Variants in EYA2 observed in about 807,000 individuals in gnomAD.
The protein encoded by EYA2 is protein phosphatase EYA2.
Under a neutral mutation model 69.2 loss-of-function variants are expected in EYA2, and 31 were observed. The ratio of observed to expected loss-of-function variants is 0.45; its 90% CI spans 0.34 to 0.60. The LOEUF (loss-of-function observed/expected upper bound fraction) is 0.60. Among genes scored for constraint, EYA2 ranks in the 20% least tolerant of loss-of-function variants. The pLI is 0.02. For missense variants in EYA2, 622 were observed against 701.2 expected, an observed-to-expected ratio of 0.89 and a Z score of 1.28; for synonymous variants, 257 against 279.4, an observed-to-expected ratio of 0.92 and a Z score of 0.80.
At chr20:47,135,496 A>T (rs1182613395) in intron 9 of EYA2, among the ~76,000 whole-genome samples, 4 of 151,688 alleles carry the variant, frequency 2.6e-5, no homozygotes, top group Non-Finnish European at 5.9e-5. Context: ...TATTATTATT[A>T]TTCAGCCAGG....
intron 5 of EYA2, among the ~76,000 whole-genome samples, chr20:47,052,010 G>A (rs1334750962): frequency 1.3e-5 from 2 of 152,086 alleles, no homozygotes; most frequent in Non-Finnish European, 2.9e-5. Context: ...TGTGTGCCAG[G>A]TTCCAGCTGG....
chr20:47,120,944 T>C (rs193236791), intron 9 of EYA2, among the ~76,000 whole-genome samples: 1 of 152,226 alleles, frequency 6.6e-6, no homozygotes, highest in Admixed American at 6.5e-5. Context: ...CCCTCCTCAT[T>C]AGTTTCTTGA....
At chr20:47,058,458 C>T (rs552757108) in intron 5 of EYA2, among the ~76,000 whole-genome samples, 7 of 152,282 alleles carry the variant, frequency 4.6e-5, no homozygotes, top group East Asian at 3.9e-4. Context: ...GGGATGGGTG[C>T]GAGGGCGTTT....
intron 15 of EYA2, among the ~76,000 whole-genome samples, chr20:47,186,016 C>T (rs1428966573): frequency 6.6e-6 from 1 of 152,148 alleles, no homozygotes; most frequent in Non-Finnish European, 1.5e-5. Flanking sequence ...CCACGTTCCC[C>T]CACATCTTTG....
intron 9 of EYA2, among the ~76,000 whole-genome samples, chr20:47,130,278 T>TTTTTTTTTTTTTTTTA: frequency 7.3e-6 from 1 of 137,326 alleles, no homozygotes; most frequent in African/African-American, 2.9e-5. Context: ...TTTTTTTTTT[T>TTTTTTTTTTTTTTTTA]TTTTGAGACA....
chr20:47,183,236 CT>C, intron 14 of EYA2, 54 bp from the exon 15 acceptor site: 1 of 1,552,900 alleles, frequency 6.4e-7, no homozygotes, highest in Non-Finnish European at 8.9e-7. Flanking sequence ...CGGGTATTGG[CT>C]GCAATCCGGG....
intron 5 of EYA2, among the ~76,000 whole-genome samples, chr20:47,067,200 CAAAAG>C (rs1183393183): frequency 1.3e-5 from 2 of 152,074 alleles, no homozygotes; most frequent in African/African-American, 4.8e-5. Context: ...AAGGTTCATG[CAAAAG>C]AAAAGAGAAA....
chr20:46,956,383 G>A (rs1343225782), intron 1 of EYA2, among the ~76,000 whole-genome samples: 1 of 152,130 alleles, frequency 6.6e-6, no homozygotes, highest in Non-Finnish European at 1.5e-5. Context: ...ATATTCTCAG[G>A]GCTTAACACA....
intron 6 of EYA2, 125 bp downstream of exon 6, chr20:47,072,377 G>T: frequency 1.1e-6 from 1 of 894,888 alleles, no homozygotes. Context: ...TAGTCCCTGG[G>T]TTTGGAGACT....
chr20:47,065,053 AG>A (rs1203013314), intron 5 of EYA2, among the ~76,000 whole-genome samples: 3 of 152,222 alleles, frequency 2.0e-5, no homozygotes, highest in South Asian at 4.1e-4. Flanking sequence ...GAACATGTGC[AG>A]GGGAACTCCC....
intron 9 of EYA2, among the ~76,000 whole-genome samples, chr20:47,102,848 C>T (rs916239793): frequency 1.3e-5 from 2 of 152,182 alleles, no homozygotes; most frequent in Admixed American, 1.3e-4. Context: ...TAACCCCTCC[C>T]TTCCCCTACC....
At chr20:46,933,994 A>G (rs1184361160) in intron 1 of EYA2, among the ~76,000 whole-genome samples, 2 of 152,206 alleles carry the variant, frequency 1.3e-5, no homozygotes, top group African/African-American at 4.8e-5. Flanking sequence ...GAATTTGGAG[A>G]TAAGTGAGGC....
chr20:47,023,661 A>G (rs1983906010), intron 5 of EYA2, among the ~76,000 whole-genome samples: 1 of 131,276 alleles, frequency 7.6e-6, no homozygotes, highest in African/African-American at 3.2e-5. Context: ...TTTTGAAGAC[A>G]GAGCCTTGCT....
At chr20:47,008,592 C>G (rs1428660878) in intron 4 of EYA2, among the ~76,000 whole-genome samples, 2 of 152,206 alleles carry the variant, frequency 1.3e-5, no homozygotes, top group South Asian at 2.1e-4. Flanking sequence ...TAGCCCTGTT[C>G]CCAGACAAAA....
chr20:46,991,363 C>T (rs1981648624), intron 2 of EYA2, among the ~76,000 whole-genome samples: 1 of 152,178 alleles, frequency 6.6e-6, no homozygotes, highest in Admixed American at 6.5e-5. Flanking sequence ...AGTTTTCTCA[C>T]CTGTCAAATG....
chr20:46,997,120 T>C (rs1423381235), intron 2 of EYA2, among the ~76,000 whole-genome samples: 1 of 152,044 alleles, frequency 6.6e-6, no homozygotes, highest in Non-Finnish European at 1.5e-5. Flanking sequence ...ACAAAAGCCT[T>C]AAAGGTGAGA....
At chr20:46,944,831 T>C (rs984246844) in intron 1 of EYA2, among the ~76,000 whole-genome samples, 18 of 152,306 alleles carry the variant, frequency 1.2e-4, no homozygotes, top group Admixed American at 9.8e-4. Context: ...GGCCACATGT[T>C]GGTGGCTCAT....
chr20:47,041,291 A>G (rs1316442101), intron 5 of EYA2, among the ~76,000 whole-genome samples: 1 of 152,108 alleles, frequency 6.6e-6, no homozygotes, highest in Non-Finnish European at 1.5e-5. Context: ...CCTTTAATTT[A>G]TCTTATGTTA....
At chr20:47,185,276 CTTTTTTTTTTTTTTTTTTTTTTTTTT>C (rs765083065) in intron 15 of EYA2, among the ~76,000 whole-genome samples, 2 of 55,844 alleles carry the variant, frequency 3.6e-5, no homozygotes, top group Non-Finnish European at 6.3e-5. Context: ...GAATCACACT[CTTTTTTTTTTTTTTTTTTTTTTTTTT>C]TTTTTTTTTT....
Sources: gnomAD v4.1 joint callset for allele counts (sites outside exome capture counted in the v4.1 genomes callset) on GRCh38, gnomAD v4.1.1 for gene constraint, MANE v1.5 for transcripts, NCBI Gene and HGNC (gene_info 2026-07-23, HGNC 2026-07-21) for gene names.